BRINP3: variants seen among roughly 807,000 people sequenced by gnomAD.
BRINP3 encodes BMP/retinoic acid-inducible neural-specific protein 3.
In BRINP3, 19 loss-of-function variants were observed where a neutral mutation model predicts 71.0. That is an observed-to-expected ratio of 0.27 (90% CI 0.19 to 0.39). The LOEUF (loss-of-function observed/expected upper bound fraction) is 0.39, where lower values mean the gene tolerates loss of function less well. Among genes scored for constraint, BRINP3 ranks in the 10% least tolerant of loss-of-function variants. The pLI is 1.00. For missense variants in BRINP3, 959 were observed against 940.8 expected, an observed-to-expected ratio of 1.02 and a Z score of -0.25; for synonymous variants, 380 against 337.7, an observed-to-expected ratio of 1.13 and a Z score of -1.37.
chr1:190,217,871 G>A (rs764640906), intron 6 of BRINP3, among the ~76,000 whole-genome samples: 4 of 151,940 alleles, frequency 2.6e-5, no homozygotes, highest in Non-Finnish European at 5.9e-5. Flanking sequence ...GTTAGGACTG[G>A]CTTCTAATCA....
intron 7 of BRINP3, among the ~76,000 whole-genome samples, chr1:190,145,112 C>T (rs1245061555): frequency 6.6e-6 from 1 of 151,876 alleles, no homozygotes; most frequent in Non-Finnish European, 1.5e-5. Context: ...TTTTTTCACC[C>T]CACTAAATTA....
chr1:190,300,153 T>G (rs1449740701), intron 2 of BRINP3, among the ~76,000 whole-genome samples: 1 of 152,186 alleles, frequency 6.6e-6, no homozygotes, highest in Non-Finnish European at 1.5e-5. Context: ...GTTTTCCAAC[T>G]TGGTTCCATT....
At chr1:190,216,405 C>T (rs1224494298) in intron 6 of BRINP3, among the ~76,000 whole-genome samples, 3 of 151,098 alleles carry the variant, frequency 2.0e-5, no homozygotes, top group Non-Finnish European at 4.4e-5. Flanking sequence ...TATATGCTAC[C>T]AATATTTCTT....
chr1:190,131,551 T>G (rs1654545909), intron 7 of BRINP3, among the ~76,000 whole-genome samples: 1 of 152,072 alleles, frequency 6.6e-6, no homozygotes, highest in Non-Finnish European at 1.5e-5. Flanking sequence ...AATGTATCTT[T>G]TATTTATGCC....
chr1:190,384,923 C>A (rs963624246), intron 2 of BRINP3, among the ~76,000 whole-genome samples: 3 of 151,762 alleles, frequency 2.0e-5, no homozygotes, highest in Non-Finnish European at 4.4e-5. Flanking sequence ...CACATATCTA[C>A]AACTATCTGA....
chr1:190,445,196 A>G (rs754103564), intron 2 of BRINP3, among the ~76,000 whole-genome samples: 1 of 152,166 alleles, frequency 6.6e-6, no homozygotes, highest in Non-Finnish European at 1.5e-5. Flanking sequence ...TGCTACTTCT[A>G]TAAAGATTGG....
rs183116078 is a variant in BRINP3, at chr1:190,351,588, G to A, written c.237-69838C>T. Among the ~76,000 whole-genome samples the A allele has an allele frequency of 7.2e-5, 11 of 152,092 alleles. No homozygotes were observed. The East Asian group carries it at 7.8e-4, about 11-fold the overall frequency. On this transcript the variant is annotated intron_variant, in intron 2 of 7. Transcript: ENST00000367462. ...AAATTTGAATTTATAAGAAAAATAC[G>A]CTTTTTGACCTGCTGAAAATACAAT...
chr1:190,340,466 T>G (rs1483502299), intron 2 of BRINP3, among the ~76,000 whole-genome samples: 1 of 151,896 alleles, frequency 6.6e-6, no homozygotes. Flanking sequence ...TTGATTTATC[T>G]CTCCATGGGT....
At chr1:190,391,986 T>C (rs1365843564) in intron 2 of BRINP3, among the ~76,000 whole-genome samples, 1 of 151,620 alleles carries the variant, frequency 6.6e-6, no homozygotes, top group East Asian at 1.9e-4. Flanking sequence ...TTTTGATGCT[T>C]TACCATCATC....
chr1:190,343,120 T>C (rs1667778534), intron 2 of BRINP3, among the ~76,000 whole-genome samples: 1 of 151,818 alleles, frequency 6.6e-6, no homozygotes, highest in Non-Finnish European at 1.5e-5. Flanking sequence ...ATGTATCAAT[T>C]ATTGATTTAT....
At chr1:190,293,733 A>G (rs1664042963) in intron 2 of BRINP3, among the ~76,000 whole-genome samples, 1 of 152,168 alleles carries the variant, frequency 6.6e-6, no homozygotes, top group Non-Finnish European at 1.5e-5. Context: ...CTATCATTAT[A>G]TCCTGTTACT....
intron 7 of BRINP3, among the ~76,000 whole-genome samples, chr1:190,131,664 A>AT (rs1654555925): frequency 6.6e-6 from 1 of 152,090 alleles, no homozygotes; most frequent in Non-Finnish European, 1.5e-5. Context: ...TGAAATATTT[A>AT]ACAAGTAAAT....
intron 7 of BRINP3, among the ~76,000 whole-genome samples, chr1:190,132,939 C>T (rs1310271516): frequency 6.6e-6 from 1 of 152,096 alleles, no homozygotes; most frequent in Non-Finnish European, 1.5e-5. Flanking sequence ...GACAAGTCCA[C>T]CTGTCAAGGA....
intron 4 of BRINP3, among the ~76,000 whole-genome samples, chr1:190,254,235 G>A (rs966806067): frequency 2.6e-5 from 4 of 151,684 alleles, no homozygotes; most frequent in African/African-American, 9.7e-5. Flanking sequence ...GCTTAGGATT[G>A]TCTTGGCAAT....
chr1:190,135,451 G>A (rs763098112), intron 7 of BRINP3, among the ~76,000 whole-genome samples: 1 of 151,948 alleles, frequency 6.6e-6, no homozygotes, highest in Admixed American at 6.6e-5. Context: ...TTAATATAGT[G>A]GTTATACTTA....
chr1:190,268,378 C>A (rs1317447801), intron 3 of BRINP3, among the ~76,000 whole-genome samples: 1 of 152,022 alleles, frequency 6.6e-6, no homozygotes. Flanking sequence ...GGATTGCTGC[C>A]ATGAGCCACT....
At position 190,466,033 on chromosome 1, in the gene BRINP3, T is replaced by C. The variant is rs180930326; in HGVS notation, c.-50-11093A>G. Among the ~76,000 whole-genome samples the C allele has an allele frequency of 2.6e-3, 398 of 151,984 alleles. 2 individuals carry two copies. Among genetic ancestry groups the C allele is most frequent in the South Asian group, 4.8e-3 (23 of 4,830 alleles). ...TTCCACTTGCAAGGATAATAAATGC[T>C]TTTTGTTATTAAAAGAATTTTGTCA... On this transcript the variant is annotated intron_variant, in intron 1 of 7. Transcript: ENST00000367462.
At chr1:190,474,119 C>G (rs1433439767) in intron 1 of BRINP3, among the ~76,000 whole-genome samples, 1 of 152,164 alleles carries the variant, frequency 6.6e-6, no homozygotes, top group African/African-American at 2.4e-5. Context: ...TTATACATTT[C>G]TTCTTCTAAC....
intron 2 of BRINP3, among the ~76,000 whole-genome samples, chr1:190,336,059 A>T (rs1233434539): frequency 6.6e-6 from 1 of 152,014 alleles, no homozygotes; most frequent in East Asian, 1.9e-4. Flanking sequence ...TATTAAGGCA[A>T]GTGCCTTAAT....
Sources: gnomAD v4.1 joint callset for allele counts (sites outside exome capture counted in the v4.1 genomes callset) on GRCh38, gnomAD v4.1.1 for gene constraint, MANE v1.5 for transcripts, NCBI Gene and HGNC (gene_info 2026-07-23, HGNC 2026-07-21) for gene names.